MPZL1: variants seen among roughly 807,000 people sequenced by gnomAD.
MPZL1 encodes the protein myelin protein zero-like protein 1.
In MPZL1, 16 loss-of-function variants were observed where a neutral mutation model predicts 29.3. That is an observed-to-expected ratio of 0.55 (90% confidence interval 0.37 to 0.83). The LOEUF is 0.83. Among genes scored for constraint, MPZL1 ranks in the 40% least tolerant of loss-of-function variants. The pLI is 0.00. For missense variants in MPZL1, 279 were observed against 332.9 expected, an observed-to-expected ratio of 0.84 and a Z score of 1.26; for synonymous variants, 143 against 132.0, an observed-to-expected ratio of 1.08 and a Z score of -0.57.
chr1:167,753,921 C>T (rs778045828), intron 1 of MPZL1, among the ~76,000 whole-genome samples: 2 of 151,966 alleles, frequency 1.3e-5, no homozygotes, highest in Non-Finnish European at 2.9e-5. Context: ...TGAGCCACTG[C>T]GCCTGGCCTT....
rs114679812 is a variant in MPZL1, at chr1:167,781,289, G to A, written c.708+5123G>A. ...TTATAAAACACTCCTTCCATCAAGC[G>A]CAGAATTCTTACTCTTTTTAAGTAC... On this transcript the variant is annotated intron_variant, in intron 5 of 5. Coordinates refer to ENST00000359523, the MANE Select transcript of MPZL1 (RefSeq NM_003953.6). Among the ~76,000 whole-genome samples the A allele has an allele frequency of 5.6e-3, 850 of 152,202 alleles. 3 individuals are homozygous for A. Among genetic ancestry groups the A allele is most frequent in the Admixed American group, 9.2e-3 (141 of 15,302 alleles).
chr1:167,739,288 T>TACATATATATATATAC (rs1553254294), intron 1 of MPZL1, among the ~76,000 whole-genome samples: 4 of 108,296 alleles, frequency 3.7e-5, no homozygotes, highest in African/African-American at 2.4e-4. Flanking sequence ...TATACATATA[T>TACATATATATATATAC]ATATATATAT....
chr1:167,749,989 G>A (rs1660722769), intron 1 of MPZL1, among the ~76,000 whole-genome samples: 1 of 152,142 alleles, frequency 6.6e-6, no homozygotes, highest in African/African-American at 2.4e-5. Context: ...TACCTGAGTG[G>A]CCCCAGAGGG....
In MPZL1 at chr1:167,773,410, A is replaced by T. The variant is rs370712098; in HGVS notation, c.605+42A>T. Reference sequence around the variant, plus strand: ...TTTTAGGGCAGGGGTGGAGGGAGGGAATCAGGGTTTATAGAAACTTCTGTA... The same window carrying T: ...TTTTAGGGCAGGGGTGGAGGGAGGGTATCAGGGTTTATAGAAACTTCTGTA... On this transcript the variant is annotated intron_variant, in intron 4 of 5. Transcript: ENST00000359523. 5.7e-6 allele frequency: 9 copies of T among 1,576,684 alleles called. No individual in the cohort carries two copies. In the African/African-American group the frequency reaches 9.6e-5, roughly 17 times the overall value.
intron 1 of MPZL1, among the ~76,000 whole-genome samples, chr1:167,748,963 ATTTGGG>A (rs1660704471): frequency 6.6e-6 from 1 of 152,302 alleles, no homozygotes; most frequent in African/African-American, 2.4e-5. Context: ...TTACACAAAC[ATTTGGG>A]TTTGGAAATT....
chr1:167,747,882 A>G (rs1660678035), intron 1 of MPZL1, among the ~76,000 whole-genome samples: 1 of 152,152 alleles, frequency 6.6e-6, no homozygotes, highest in Non-Finnish European at 1.5e-5. Context: ...ATCACCCCAT[A>G]AAGAAACCTT....
At chr1:167,726,457 G>C (rs12069064) in intron 1 of MPZL1, among the ~76,000 whole-genome samples, 7,885 of 152,222 alleles carry the variant, frequency 0.052, 671 homozygotes, top group African/African-American at 0.18. Context: ...AGTGGATATG[G>C]TAGATGCTAA....
chr1:167,761,397 C>T (rs1660985092), intron 1 of MPZL1, among the ~76,000 whole-genome samples: 1 of 152,108 alleles, frequency 6.6e-6, no homozygotes, highest in South Asian at 2.1e-4. Flanking sequence ...ATGCAATGTG[C>T]AGTGGAGAGG....
At chr1:167,731,429 T>C (rs1157856226) in intron 1 of MPZL1, among the ~76,000 whole-genome samples, 4 of 148,870 alleles carry the variant, frequency 2.7e-5, no homozygotes, top group African/African-American at 7.5e-5. Context: ...AGAGTAAAAC[T>C]GTGTCTTTTT....
chr1:167,785,476 A>T (rs1661573433), intron 5 of MPZL1, among the ~76,000 whole-genome samples: 1 of 152,308 alleles, frequency 6.6e-6, no homozygotes, highest in African/African-American at 2.4e-5. Context: ...GTCAGAGCTG[A>T]TCACAAGATC....
chr1:167,768,414 C>T (rs540543906), intron 2 of MPZL1, among the ~76,000 whole-genome samples: 1 of 150,742 alleles, frequency 6.6e-6, no homozygotes, highest in East Asian at 1.9e-4. Context: ...CCTTTTAGCC[C>T]TTAAAACTCA....
chr1:167,730,185 A>G (rs1660232711), intron 1 of MPZL1, among the ~76,000 whole-genome samples: 1 of 152,198 alleles, frequency 6.6e-6, no homozygotes, highest in Non-Finnish European at 1.5e-5. Flanking sequence ...TGTTGAAGCC[A>G]TCCTCACCAA....
intron 1 of MPZL1, among the ~76,000 whole-genome samples, chr1:167,740,336 C>G (rs1225200192): frequency 6.6e-6 from 1 of 152,188 alleles, no homozygotes; most frequent in Non-Finnish European, 1.5e-5. Flanking sequence ...TTTCTTCTGT[C>G]CAGCCATCCC....
chr1:167,741,183 A>AT (rs1161469215), intron 1 of MPZL1, among the ~76,000 whole-genome samples: 33,380 of 130,228 alleles, frequency 0.26, 4,503 homozygotes, highest in East Asian at 0.41. Context: ...CGCCTGGCTA[A>AT]TTTTTTTTTT....
At chr1:167,731,167 G>T (rs968954927) in intron 1 of MPZL1, among the ~76,000 whole-genome samples, 2 of 152,136 alleles carry the variant, frequency 1.3e-5, no homozygotes, top group Non-Finnish European at 2.9e-5. Flanking sequence ...GGGTGCCGTG[G>T]CTCGCGCCTG....
rs1351289761 is a variant in MPZL1, at chr1:167,753,338, C to G, written c.92-12245C>G. 3.3e-5 allele frequency among the ~76,000 whole-genome samples: 5 copies of G among 152,308 alleles called. No homozygotes were observed. The East Asian group carries it at 9.6e-4, about 29-fold the overall frequency. On this transcript the variant is annotated intron_variant, in intron 1 of 5. Transcript: ENST00000359523. The stretch of plus-strand genomic sequence containing the variant: ...GAAAAGGAGGGTTACTTTGAAAAGC[C>G]TAGTGTGCCATGCTGAGAATGATGG...
intron 1 of MPZL1, among the ~76,000 whole-genome samples, chr1:167,757,406 A>G (rs747772104): frequency 8.5e-5 from 13 of 152,194 alleles, no homozygotes; most frequent in Admixed American, 2.0e-4. Context: ...TCTTTTTAAA[A>G]ATTTTTATTG....
intron 1 of MPZL1, among the ~76,000 whole-genome samples, chr1:167,724,119 T>C (rs184278844): frequency 5.9e-5 from 9 of 152,250 alleles, no homozygotes; most frequent in Non-Finnish European, 1.2e-4. Flanking sequence ...AAAGATGTAC[T>C]GTGGGAGCTT....
intron 1 of MPZL1, among the ~76,000 whole-genome samples, chr1:167,762,425 G>A (rs189351771): frequency 2.6e-5 from 4 of 152,326 alleles, no homozygotes; most frequent in East Asian, 3.9e-4. Flanking sequence ...AGACGCCAGC[G>A]CAGCCACGTG....
Sources: gnomAD v4.1 joint callset for allele counts (sites outside exome capture counted in the v4.1 genomes callset) on GRCh38, gnomAD v4.1.1 for gene constraint, MANE v1.5 for transcripts, NCBI Gene and HGNC (gene_info 2026-07-23, HGNC 2026-07-21) for gene names.